Variants in ZNF559 observed in about 807,000 individuals in gnomAD.
The protein encoded by ZNF559 is putative protein product of Nbla00121.
Under a neutral mutation model 14.2 loss-of-function variants are expected in ZNF559, and 17 were observed. That is an observed-to-expected ratio of 1.20 (90% CI 0.82 to 1.80). The LOEUF (loss-of-function observed/expected upper bound fraction) is 1.80. ZNF559 is among the 40% of genes most tolerant of loss of function. The probability of loss-of-function intolerance (pLI) is 0.00; values close to 1 mark genes in which losing one functional copy is unlikely to be tolerated. For missense variants in ZNF559, 740 were observed against 629.7 expected, an observed-to-expected ratio of 1.18 and a Z score of -1.88; for synonymous variants, 244 against 212.4, an observed-to-expected ratio of 1.15 and a Z score of -1.29.
intron 4 of ZNF559, 55 bp downstream of exon 4, chr19:9,338,637 A>G: frequency 2.2e-6 from 3 of 1,376,588 alleles, no homozygotes; most frequent in Non-Finnish European, 3.1e-6. Context: ...TACCATGTAG[A>G]TGTGTTTTCT....
intron 2 of ZNF559, among the ~76,000 whole-genome samples, chr19:9,333,696 C>T (rs1433797273): frequency 6.6e-6 from 1 of 151,370 alleles, no homozygotes; most frequent in Non-Finnish European, 1.5e-5. Flanking sequence ...TCCCCCACCC[C>T]CACCCAGAAA....
At chr19:9,336,894 C>G (rs149995389) in intron 2 of ZNF559, among the ~76,000 whole-genome samples, 1 of 152,172 alleles carries the variant, frequency 6.6e-6, no homozygotes, top group Non-Finnish European at 1.5e-5. Context: ...ACCACCCTCA[C>G]GCTCAGTGAT....
rs770388503 is a variant in ZNF559 at position 9,345,629 on chromosome 19, A to C, written c.*2561A>C. 6.7e-6 allele frequency: 1 copy of C among 149,512 alleles called. No homozygotes were observed. The highest frequency in any genetic ancestry group is 6.8e-5 in the Admixed American group (1 of 14,784). The allele number at this position is 149,512 out of a possible 1,614,324, so 9.3% of individuals were successfully genotyped here. A position where few individuals can be genotyped will look rare whatever the true frequency, so the allele number is the denominator to read the frequency against. On this transcript the variant is annotated 3_prime_UTR_variant, in exon 7 of 7. Coordinates refer to ENST00000603380, the MANE Select transcript of ZNF559 (RefSeq NM_032497.3). ...GTCTGTTCAAATCTTTTGCCTGTTT[A>C]TATTGGCTTTATTTTTTATTTATTT...
chr19:9,343,470 G>T lies in ZNF559; in HGVS notation c.*402G>T, dbSNP rs1344034871. ...ATTGGATATAAATGCACGTCCTCTG[G>T]CTGTAAGGAATGTGTTGAAACCTTT... On this transcript the variant is annotated 3_prime_UTR_variant, in exon 7 of 7. Coordinates refer to ENST00000603380, the MANE Select transcript of ZNF559 (RefSeq NM_032497.3). The T allele has an allele frequency of 5.8e-6, 6 of 1,028,540 alleles. No individual in the cohort carries two copies. The highest frequency in any genetic ancestry group is 5.1e-5 in the African/African-American group (3 of 58,936). The allele number at this position is 1,028,540 out of a possible 1,614,324, so 63.7% of individuals were successfully genotyped here. A position where few individuals can be genotyped will look rare whatever the true frequency, so the allele number is the denominator to read the frequency against.
At chr19:9,328,348 CTTTTTTTTTTTTTTT>C (rs904074002) in intron 2 of ZNF559, among the ~76,000 whole-genome samples, 19 of 60,984 alleles carry the variant, frequency 3.1e-4, no homozygotes, top group Non-Finnish European at 4.8e-4. Context: ...GCTTGTTTGT[CTTTTTTTTTTTTTTT>C]TTTTTTTTTG....
intron 2 of ZNF559, chr19:9,333,130 C>G (rs1363245370): frequency 6.6e-6 from 1 of 152,074 alleles, no homozygotes. Context: ...GCTACCATAC[C>G]TGGTGAAGAT....
rs1447752909 is a variant in ZNF559, at chr19:9,343,572, ATTC to A, written c.*510_*512del. ...TCTTATGAATGTAAAATGTGTGGAGATTCTTCTTTGTTTTTAGCTTCCACTTTG... is the reference window on the plus strand; with the variant it reads ...TCTTATGAATGTAAAATGTGTGGAGATTCTTTGTTTTTAGCTTCCACTTTG... On this transcript the variant is annotated 3_prime_UTR_variant, in exon 7 of 7. Coordinates refer to ENST00000603380, the MANE Select transcript of ZNF559 (RefSeq NM_032497.3). 1.9e-5 allele frequency: 19 copies of A among 991,518 alleles called. No homozygotes were observed. The highest frequency in any genetic ancestry group is 7.0e-5 in the African/African-American group (4 of 57,254). The allele number at this position is 991,518 out of a possible 1,614,324, so 61.4% of individuals were successfully genotyped here.
exon 1 of ZNF559, chr19:9,324,177 GCAT>G (rs2066430557): frequency 2.0e-6 from 3 of 1,535,948 alleles, no homozygotes; most frequent in African/African-American, 4.1e-5. Flanking sequence ...CTGCGTGGGC[GCAT>G]GCGCATAACG....
Position 9,341,149 on chromosome 19 carries a change from T to G in ZNF559, c.208T>G (p.Phe70Val), listed in dbSNP as rs1182283349. ...NTKWSAPQQN[F>V]LQGKTSSVVE... ...CAAATGGTCAGCACCTCAGCAGAAT[T>G]TTTTGCAGGGGAAAACATCCAGTGT... The change falls in exon 6 of 7, where the codon TTT (phenylalanine) becomes GTT (valine). Residue 70 changes from phenylalanine to valine, a missense_variant. Transcript: ENST00000603380. 1 of 1,613,926 alleles carries G rather than the reference T, an allele frequency of 6.2e-7. No homozygotes were observed. Among genetic ancestry groups the G allele is most frequent in the South Asian group, 1.1e-5 (1 of 90,994 alleles).
chr19:9,340,008 G>T (rs920042613), intron 5 of ZNF559, among the ~76,000 whole-genome samples: 1 of 137,988 alleles, frequency 7.2e-6, no homozygotes, highest in Non-Finnish European at 1.5e-5. Flanking sequence ...GGATGGTCTC[G>T]ATCTCTTGAC....
intron 2 of ZNF559, among the ~76,000 whole-genome samples, chr19:9,333,437 T>C (rs1470172185): frequency 1.3e-5 from 2 of 152,192 alleles, no homozygotes; most frequent in Non-Finnish European, 2.9e-5. Flanking sequence ...GCGTAGTGGC[T>C]CACACCTGTA....
At position 9,342,486 on chromosome 19, in the gene ZNF559, A is replaced by C. The variant is rs758673899; in HGVS notation, c.1035A>C (p.Arg345=). Residue 345 remains arginine (R), a synonymous_variant, in exon 7 of 7, where the codon CGA becomes CGC. Coordinates refer to ENST00000603380, the MANE Select transcript of ZNF559 (RefSeq NM_032497.3). ...TDSSGLIKHR[R]THTGEKPYEC... is the part of the protein sequence containing the mutation. ...CATCAGGTCTTATAAAACACAGGCG[A>C]ACTCACACTGGAGAAAAGCCTTATG... 1.2e-6 allele frequency: 2 copies of C among 1,614,108 alleles called. No individual in the cohort carries two copies. Among genetic ancestry groups the C allele is most frequent in the South Asian group, 2.2e-5 (2 of 91,088 alleles).
intron 2 of ZNF559, among the ~76,000 whole-genome samples, chr19:9,325,968 A>G (rs2066571681): frequency 6.6e-6 from 1 of 152,088 alleles, no homozygotes; most frequent in African/African-American, 2.4e-5. Flanking sequence ...ACAAGACTTC[A>G]TTGTCCATCC....
chr19:9,328,025 A>G (rs2066720888), intron 2 of ZNF559, among the ~76,000 whole-genome samples: 1 of 152,176 alleles, frequency 6.6e-6, no homozygotes, highest in South Asian at 2.1e-4. Context: ...CTTACAGTGG[A>G]CATCTAGAAT....
intron 2 of ZNF559, among the ~76,000 whole-genome samples, chr19:9,337,187 A>G (rs2067285833): frequency 6.6e-6 from 1 of 152,186 alleles, no homozygotes; most frequent in South Asian, 2.1e-4. Flanking sequence ...GACTTCATAC[A>G]CTTATGCCCA....
At chr19:9,335,729 T>C (rs1035242705) in intron 2 of ZNF559, among the ~76,000 whole-genome samples, 1 of 152,114 alleles carries the variant, frequency 6.6e-6, no homozygotes, top group East Asian at 1.9e-4. Context: ...GAGACGGGGT[T>C]TTACCATGTT....
chr19:9,340,733 A>ATTTTT (rs201367378), intron 5 of ZNF559, among the ~76,000 whole-genome samples: 28 of 124,640 alleles, frequency 2.2e-4, no homozygotes, highest in East Asian at 4.4e-4. Context: ...TGCCTGGCTA[A>ATTTTT]TTTTTTTTTT....
chr19:9,341,366 A>C (rs1190822378), intron 6 of ZNF559, 182 bp downstream of exon 6: 2 of 759,724 alleles, frequency 2.6e-6, no homozygotes, highest in Non-Finnish European at 2.3e-6. Flanking sequence ...AACATCCCTC[A>C]GAATATATTT....
chr19:9,343,665 C>T lies in ZNF559; in HGVS notation c.*597C>T, dbSNP rs909624281. 1 of 987,898 alleles carries T rather than the reference C, an allele frequency of 1.0e-6. No individual in the cohort carries two copies. The highest frequency in any genetic ancestry group is 1.2e-6 in the Non-Finnish European group (1 of 831,616). The allele number at this position is 987,898 out of a possible 1,614,324, so 61.2% of individuals were successfully genotyped here. A position where few individuals can be genotyped will look rare whatever the true frequency, so the allele number is the denominator to read the frequency against. Reference sequence around the variant, plus strand: ...AAAGAGATGTTGGAAAGCCCTTGAACTTGGTCGTTAGGAAACATCCACACT... The same window carrying T: ...AAAGAGATGTTGGAAAGCCCTTGAATTTGGTCGTTAGGAAACATCCACACT... On this transcript the variant is annotated 3_prime_UTR_variant, in exon 7 of 7. Transcript: ENST00000603380.
Sources: gnomAD v4.1 joint callset for allele counts (sites outside exome capture counted in the v4.1 genomes callset) on GRCh38, gnomAD v4.1.1 for gene constraint, MANE v1.5 for transcripts, NCBI Gene and HGNC (gene_info 2026-07-23, HGNC 2026-07-21) for gene names.